The following PARD3B variants were observed in gnomAD, a reference collection of about 807,000 sequenced individuals.
PARD3B encodes the protein par-3 family cell polarity regulator beta, also known as partitioning defective 3 homolog B.
A neutral mutation model predicts 130.2 loss-of-function variants in PARD3B; 103 were observed. That is an observed-to-expected ratio of 0.79 (90% CI 0.67 to 0.93). PARD3B has a LOEUF of 0.93. Ranked by LOEUF, PARD3B falls within the 40% of genes least tolerant of loss-of-function variation. The probability of loss-of-function intolerance (pLI) is 0.00; values close to 1 mark genes in which losing one functional copy is unlikely to be tolerated. For missense variants in PARD3B, 1,609 were observed against 1,499.2 expected (o/e 1.07, Z -1.21); for synonymous variants, 583 against 553.2 (o/e 1.05, Z -0.76).
At chr2:205,455,925 A>G (rs1366120461) in intron 20 of PARD3B, among the ~76,000 whole-genome samples, 1 of 152,040 alleles carries the variant, frequency 6.6e-6, no homozygotes, top group South Asian at 2.1e-4. Context: ...CATCCCTCAT[A>G]CTACTCCTTT....
At chr2:204,861,198 CT>C in intron 2 of PARD3B, among the ~76,000 whole-genome samples, 1 of 139,964 alleles carries the variant, frequency 7.1e-6, no homozygotes, top group Non-Finnish European at 1.5e-5. Flanking sequence ...CTCTCTCTCT[CT>C]CTCTCTCTCT....
intron 2 of PARD3B, among the ~76,000 whole-genome samples, chr2:204,880,389 C>G (rs995720046): frequency 2.6e-5 from 4 of 152,032 alleles, no homozygotes; most frequent in African/African-American, 9.7e-5. Flanking sequence ...TGGTCGAGCG[C>G]GGTGGCTCAT....
intron 18 of PARD3B, among the ~76,000 whole-genome samples, chr2:205,310,367 T>A (rs1475788596): frequency 1.3e-5 from 2 of 152,060 alleles, no homozygotes; most frequent in Non-Finnish European, 2.9e-5. Flanking sequence ...AAATCTACTC[T>A]TTTAGCAAGT....
intron 15 of PARD3B, among the ~76,000 whole-genome samples, chr2:205,233,592 A>G (rs1239445797): frequency 1.3e-5 from 2 of 152,094 alleles, no homozygotes; most frequent in Non-Finnish European, 2.9e-5. Context: ...CTGTGAGGGG[A>G]GACATTGAAA....
At chr2:204,971,246 T>C (rs72940491) in intron 3 of PARD3B, among the ~76,000 whole-genome samples, 15,971 of 152,270 alleles carry the variant, frequency 0.1, 905 homozygotes, top group Non-Finnish European at 0.13. Flanking sequence ...ATTAGGCTGC[T>C]GTGTGTAAGT....
chr2:205,544,208 A>C (rs894677003), intron 21 of PARD3B, among the ~76,000 whole-genome samples: 1 of 152,198 alleles, frequency 6.6e-6, no homozygotes, highest in Admixed American at 6.5e-5. Context: ...CCTGGAGAAT[A>C]CAAGACAGGT....
chr2:205,096,804 ATTCCAAAAAAGGTTTT>A lies in PARD3B; in HGVS notation c.505-7619_505-7604del, dbSNP rs1702427274. ...AGTAGAATATTTATGATCTAATCGT[ATTCCAAAAAAGGTTTT>A]TTTTATTTTAAAGATGCAATTATTA... On this transcript the variant is annotated intron_variant, in intron 4 of 22. Coordinates refer to ENST00000406610, the MANE Select transcript of PARD3B (RefSeq NM_001302769.2). 3.3e-5 allele frequency among the ~76,000 whole-genome samples: 5 copies of A among 152,328 alleles called. No homozygotes were observed. In the East Asian group the frequency reaches 9.7e-4, roughly 29 times the overall value.
intron 22 of PARD3B, among the ~76,000 whole-genome samples, chr2:205,554,304 C>T (rs1553543893): frequency 6.6e-6 from 1 of 152,142 alleles, no homozygotes; most frequent in Non-Finnish European, 1.5e-5. Context: ...GATGGAGTGA[C>T]TGTTTGACAT....
At position 205,562,764 on chromosome 2, in the gene PARD3B, C is replaced by A. The variant is rs150851680; in HGVS notation, c.3260+9361C>A. Among the ~76,000 whole-genome samples, 594 of 152,212 alleles carry A rather than the reference C, an allele frequency of 3.9e-3. 7 individuals carry two copies. The highest frequency in any genetic ancestry group is 0.014 in the African/African-American group (563 of 41,532). On this transcript the variant is annotated intron_variant, in intron 22 of 22. Coordinates refer to ENST00000406610, the MANE Select transcript of PARD3B (RefSeq NM_001302769.2). This position sits in a 1 kb window ranked among gnomAD's most constrained non-coding sequence, Gnocchi z 5.4. ...ACCATCTGCCTCCTAATGCTCATTG[C>A]CCTGGAATTATGGTGGTGATTTTCT...
chr2:205,243,139 C>A (rs1479490422), intron 15 of PARD3B, among the ~76,000 whole-genome samples: 1 of 151,910 alleles, frequency 6.6e-6, no homozygotes, highest in Admixed American at 6.6e-5. Flanking sequence ...GCACTTTAGC[C>A]TGGGCAACAA....
intron 3 of PARD3B, among the ~76,000 whole-genome samples, chr2:204,980,038 A>C (rs2125205472): frequency 6.6e-6 from 1 of 152,340 alleles, no homozygotes; most frequent in African/African-American, 2.4e-5. Context: ...ACTGAAAAGA[A>C]AAGCCATAGA....
intron 1 of PARD3B, among the ~76,000 whole-genome samples, chr2:204,657,208 C>G (rs1261480369): frequency 6.6e-6 from 1 of 152,210 alleles, no homozygotes; most frequent in Admixed American, 6.5e-5. Context: ...TCATCTCACA[C>G]TTGTTCATAC....
intron 15 of PARD3B, among the ~76,000 whole-genome samples, chr2:205,224,413 G>GA (rs979076835): frequency 7.3e-5 from 9 of 122,672 alleles, no homozygotes; most frequent in Non-Finnish European, 1.1e-4. Context: ...AAAAGAAAAA[G>GA]AAAAAAAAAG....
At chr2:205,330,842 G>A (rs954465620) in intron 18 of PARD3B, among the ~76,000 whole-genome samples, 4 of 152,212 alleles carry the variant, frequency 2.6e-5, no homozygotes, top group Admixed American at 2.6e-4. Flanking sequence ...GTAGGGAAGA[G>A]TTGGGTGTTA....
intron 15 of PARD3B, among the ~76,000 whole-genome samples, chr2:205,211,394 A>G (rs886295635): frequency 1.3e-5 from 2 of 152,098 alleles, no homozygotes; most frequent in African/African-American, 4.8e-5. Context: ...TATTGGGTGC[A>G]CTGTCTATGC....
At chr2:204,947,243 A>G (rs1015452655) in intron 2 of PARD3B, among the ~76,000 whole-genome samples, 5 of 152,224 alleles carry the variant, frequency 3.3e-5, no homozygotes, top group African/African-American at 1.2e-4. Flanking sequence ...AATTATGTCT[A>G]TAGAGAGTAT....
At chr2:204,938,518 T>C (rs1047503004) in intron 2 of PARD3B, among the ~76,000 whole-genome samples, 1 of 152,236 alleles carries the variant, frequency 6.6e-6, no homozygotes. Flanking sequence ...TCGGTCTCAT[T>C]GATCACTCTT....
intron 2 of PARD3B, among the ~76,000 whole-genome samples, chr2:204,880,466 C>T (rs1344067899): frequency 6.6e-6 from 1 of 151,900 alleles, no homozygotes; most frequent in Non-Finnish European, 1.5e-5. Context: ...TCGAGACCAT[C>T]CTGGCCAACA....
chr2:205,347,222 A>G (rs1296389134), intron 18 of PARD3B, among the ~76,000 whole-genome samples: 4 of 152,230 alleles, frequency 2.6e-5, no homozygotes, highest in Non-Finnish European at 4.4e-5. Flanking sequence ...GAAATTATAT[A>G]GAGTCTATGG....
Sources: allele counts gnomAD v4.1 joint callset (sites outside exome capture counted in the v4.1 genomes callset), GRCh38; gene constraint gnomAD v4.1.1; non-coding constraint Gnocchi (gnomAD v3.1); transcripts MANE v1.5; gene names NCBI Gene and HGNC (gene_info 2026-07-23, HGNC 2026-07-21).